The following MLLT3 variants were observed in gnomAD, a reference collection of about 807,000 sequenced individuals.
The protein encoded by MLLT3 is protein AF-9.
Under a neutral mutation model 53.2 loss-of-function variants are expected in MLLT3, and 4 were observed. That is an observed-to-expected ratio of 0.08 (90% CI 0.04 to 0.17). The LOEUF (loss-of-function observed/expected upper bound fraction) is 0.17. MLLT3 is among the 10% of genes least tolerant of loss of function. The pLI, the probability that MLLT3 is intolerant of heterozygous loss-of-function variation, is 1.00. For synonymous variants in MLLT3, 283 were observed against 230.6 expected (o/e 1.23, Z -2.06); for missense variants, 569 against 684.0 (o/e 0.83, Z 1.87).
At chr9:20,445,057 C>T (rs1177154137) in intron 4 of MLLT3, among the ~76,000 whole-genome samples, 1 of 151,718 alleles carries the variant, frequency 6.6e-6, no homozygotes, top group East Asian at 1.9e-4. Context: ...AGCCACTGCA[C>T]TCCAGCCTGG....
chr9:20,423,059 GT>G (rs1454394464), intron 4 of MLLT3, among the ~76,000 whole-genome samples: 1 of 152,106 alleles, frequency 6.6e-6, no homozygotes, highest in Non-Finnish European at 1.5e-5. Flanking sequence ...CCCCCAGTTA[GT>G]CTGACTTCTT....
At chr9:20,484,976 A>C (rs1824769846) in intron 2 of MLLT3, among the ~76,000 whole-genome samples, 1 of 151,748 alleles carries the variant, frequency 6.6e-6, no homozygotes, top group Admixed American at 6.6e-5. Flanking sequence ...CTGTAATTTT[A>C]TTTTTATTTT....
intron 8 of MLLT3, among the ~76,000 whole-genome samples, chr9:20,357,981 G>GCGCACACA (rs369911145): frequency 2.4e-4 from 34 of 139,454 alleles, no homozygotes; most frequent in African/African-American, 8.7e-4. Flanking sequence ...TCCCTCCTGC[G>GCGCACACA]CACACACACA....
chr9:20,610,759 T>G (rs958509827), intron 2 of MLLT3, among the ~76,000 whole-genome samples: 3 of 152,136 alleles, frequency 2.0e-5, no homozygotes, highest in Admixed American at 6.6e-5. Context: ...TGAAAGCATG[T>G]AACACATAAC....
intron 5 of MLLT3, among the ~76,000 whole-genome samples, chr9:20,370,724 T>C (rs1280085112): frequency 6.6e-6 from 1 of 152,184 alleles, no homozygotes; most frequent in Non-Finnish European, 1.5e-5. Context: ...TTAGCCAGGC[T>C]GATCTCGAAC....
intron 2 of MLLT3, among the ~76,000 whole-genome samples, chr9:20,615,387 A>AC (rs1563845266): frequency 2.5e-4 from 26 of 105,576 alleles, no homozygotes; most frequent in Middle Eastern, 5.9e-3. Flanking sequence ...AAAAAAAAAA[A>AC]AAAAAAAAAG....
At chr9:20,371,190 G>GA (rs1487598229) in intron 5 of MLLT3, among the ~76,000 whole-genome samples, 1 of 152,214 alleles carries the variant, frequency 6.6e-6, no homozygotes, top group Admixed American at 6.5e-5. Flanking sequence ...AAGGTTTAGG[G>GA]AAATAAGCCA....
At position 20,345,429 on chromosome 9, in the gene MLLT3, C is replaced by A. The variant is rs1280809666; in HGVS notation, c.*1014G>T. The A allele has an allele frequency of 9.7e-6, 2 of 206,902 alleles. No homozygotes were observed. Among genetic ancestry groups the A allele is most frequent in the Non-Finnish European group, 2.0e-5 (2 of 102,004 alleles). 12.8% of individuals were successfully genotyped at this position (206,902 alleles called of 1,614,324 possible). A position where few individuals can be genotyped will look rare whatever the true frequency, so the allele number is the denominator to read the frequency against. ...CAGCTGAAGAAAGCTGAAACTCTGA[C>A]TAATAAATAGATCCAAATTAAGAAT... On this transcript the variant is annotated 3_prime_UTR_variant, in exon 11 of 11. Coordinates refer to ENST00000380338, the MANE Select transcript of MLLT3 (RefSeq NM_004529.4).
intron 5 of MLLT3, among the ~76,000 whole-genome samples, chr9:20,390,688 C>T (rs967249574): frequency 2.6e-5 from 4 of 152,212 alleles, no homozygotes; most frequent in African/African-American, 9.6e-5. Flanking sequence ...AAAACTACAA[C>T]TTCTCCAAAA....
At chr9:20,612,301 CT>C (rs1820722377) in intron 2 of MLLT3, among the ~76,000 whole-genome samples, 1 of 152,106 alleles carries the variant, frequency 6.6e-6, no homozygotes, top group Admixed American at 6.5e-5. Context: ...TCCTTTCCAG[CT>C]CTAAAAAGAC....
At chr9:20,413,173 T>C (rs949426593) in intron 5 of MLLT3, among the ~76,000 whole-genome samples, 8 of 152,202 alleles carry the variant, frequency 5.3e-5, no homozygotes, top group Non-Finnish European at 1.0e-4. Context: ...AATGTTAAAA[T>C]TTATCAAATT....
chr9:20,422,952 C>T (rs974455551), intron 4 of MLLT3, among the ~76,000 whole-genome samples: 6 of 152,112 alleles, frequency 3.9e-5, no homozygotes. Context: ...TGTGAAATAG[C>T]TATTATTAGC....
chr9:20,357,366 C>T (rs755479451), intron 8 of MLLT3, among the ~76,000 whole-genome samples: 6 of 152,214 alleles, frequency 3.9e-5, no homozygotes, highest in Non-Finnish European at 7.3e-5. Flanking sequence ...TGACGCAACA[C>T]TCTTTATTAT....
intron 9 of MLLT3, among the ~76,000 whole-genome samples, chr9:20,354,268 C>G (rs1033253909): frequency 6.6e-6 from 1 of 152,188 alleles, no homozygotes; most frequent in African/African-American, 2.4e-5. Flanking sequence ...CTCAGACTCA[C>G]GAGTCTTTGT....
intron 10 of MLLT3, among the ~76,000 whole-genome samples, chr9:20,348,872 G>A (rs1234395548): frequency 6.6e-6 from 1 of 152,044 alleles, no homozygotes; most frequent in Non-Finnish European, 1.5e-5. Flanking sequence ...GCCCACAGAG[G>A]CTTTTCATGT....
chr9:20,408,698 A>G (rs913210615), intron 5 of MLLT3, among the ~76,000 whole-genome samples: 1 of 152,128 alleles, frequency 6.6e-6, no homozygotes, highest in African/African-American at 2.4e-5. Context: ...TTAAAAAGCC[A>G]CTTTGAAAAC....
intron 2 of MLLT3, among the ~76,000 whole-genome samples, chr9:20,615,389 A>C (rs796826692): frequency 1.1e-4 from 17 of 150,624 alleles, no homozygotes; most frequent in African/African-American, 4.1e-4. Flanking sequence ...AAAAAAAAAA[A>C]AAAAAAAGAA....
At chr9:20,435,602 T>C (rs1202658338) in intron 4 of MLLT3, among the ~76,000 whole-genome samples, 1 of 152,144 alleles carries the variant, frequency 6.6e-6, no homozygotes, top group Non-Finnish European at 1.5e-5. Flanking sequence ...GAAGGACATT[T>C]TTATTTTTGT....
chr9:20,540,137 G>A (rs1406174446), intron 2 of MLLT3, among the ~76,000 whole-genome samples: 1 of 152,188 alleles, frequency 6.6e-6, no homozygotes, highest in African/African-American at 2.4e-5. Context: ...CAAGGCCTTG[G>A]GCAGCTCTGC....
Sources: gnomAD v4.1 joint callset for allele counts (sites outside exome capture counted in the v4.1 genomes callset) on GRCh38, gnomAD v4.1.1 for gene constraint, MANE v1.5 for transcripts, NCBI Gene and HGNC (gene_info 2026-07-23, HGNC 2026-07-21) for gene names.